The following SGK3 variants were observed in gnomAD, a reference collection of about 807,000 sequenced individuals.
SGK3 encodes serine/threonine-protein kinase Sgk3.
Under a neutral mutation model 68.5 loss-of-function variants are expected in SGK3, and 47 were observed. The observed-to-expected ratio is 0.69, with a 90% confidence interval of 0.54 to 0.87. The LOEUF (loss-of-function observed/expected upper bound fraction) is 0.87. SGK3 is among the 40% of genes least tolerant of loss of function. The pLI is 0.00. For missense variants in SGK3, 479 were observed against 575.5 expected (o/e 0.83, Z 1.72); for synonymous variants, 181 against 189.1 (o/e 0.96, Z 0.35).
At chr8:66,848,790 C>CT (rs1810142616) in intron 15 of SGK3, among the ~76,000 whole-genome samples, 1 of 152,140 alleles carries the variant, frequency 6.6e-6, no homozygotes, top group Non-Finnish European at 1.5e-5. Flanking sequence ...AGGTACTACT[C>CT]TATCTCCTTC....
chr8:66,744,501 A>G (rs1339598684), intron 1 of SGK3, among the ~76,000 whole-genome samples: 1 of 20,684 alleles, frequency 4.8e-5, no homozygotes, highest in African/African-American at 2.3e-4. Context: ...ATATATATAT[A>G]TATATATATA....
chr8:66,799,272 G>GT (rs1217889207), intron 3 of SGK3, among the ~76,000 whole-genome samples: 1 of 152,236 alleles, frequency 6.6e-6, no homozygotes, highest in Admixed American at 6.5e-5. Context: ...GTTCACATCT[G>GT]TAATTCCAGC....
chr8:66,789,762 G>T (rs1241716843), intron 1 of SGK3, among the ~76,000 whole-genome samples: 2 of 152,184 alleles, frequency 1.3e-5, no homozygotes, highest in African/African-American at 4.8e-5. Context: ...AAGATCAACA[G>T]TATATGCCTG....
intron 6 of SGK3, among the ~76,000 whole-genome samples, chr8:66,826,931 C>T (rs1809083897): frequency 6.6e-6 from 1 of 152,010 alleles, no homozygotes; most frequent in Admixed American, 6.6e-5. Context: ...AGCCGTGAGC[C>T]ACCACTCCCG....
intron 10 of SGK3, 97 bp from the exon 11 acceptor site, chr8:66,839,906 A>G: frequency 8.5e-7 from 1 of 1,174,292 alleles, no homozygotes; most frequent in African/African-American, 1.5e-5. Context: ...ACAAAGAACA[A>G]TTCCTACCTT....
chr8:66,858,931 A>G (rs1207344302), intron 16 of SGK3, among the ~76,000 whole-genome samples: 1 of 152,180 alleles, frequency 6.6e-6, no homozygotes, highest in Non-Finnish European at 1.5e-5. Context: ...GACCTAAATA[A>G]TAAAGGTCAG....
chr8:66,734,645 G>A (rs931100214), intron 1 of SGK3, among the ~76,000 whole-genome samples: 1 of 152,092 alleles, frequency 6.6e-6, no homozygotes. Context: ...GAGGTCAACT[G>A]TTGTCAAAAG....
intron 1 of SGK3, among the ~76,000 whole-genome samples, chr8:66,733,020 A>G (rs561710895): frequency 3.0e-4 from 46 of 152,356 alleles, no homozygotes; most frequent in African/African-American, 9.9e-4. Flanking sequence ...AGAGGGTATC[A>G]GTCAGAATGC....
chr8:66,809,542 T>C (rs1275988758), intron 4 of SGK3, among the ~76,000 whole-genome samples: 2 of 151,854 alleles, frequency 1.3e-5, no homozygotes, highest in African/African-American at 4.8e-5. Context: ...TTTGCTTGTT[T>C]GGGGAAAAAA....
At chr8:66,791,181 C>T (rs1585720861) in intron 1 of SGK3, among the ~76,000 whole-genome samples, 1 of 152,172 alleles carries the variant, frequency 6.6e-6, no homozygotes, top group Non-Finnish European at 1.5e-5. Context: ...AGATAAACCA[C>T]TGATGTCAGA....
At chr8:66,835,022 C>T (rs2130707156) in intron 8 of SGK3, among the ~76,000 whole-genome samples, 1 of 152,146 alleles carries the variant, frequency 6.6e-6, no homozygotes, top group East Asian at 1.9e-4. Context: ...GTTATCCCAG[C>T]ACTTGGTGAG....
chr8:66,748,182 T>C (rs1805704395), intron 1 of SGK3, among the ~76,000 whole-genome samples: 1 of 152,204 alleles, frequency 6.6e-6, no homozygotes, highest in South Asian at 2.1e-4. Flanking sequence ...GATGTTCTGC[T>C]GAGTCAAAGC....
At chr8:66,796,203 C>A (rs532082770) in intron 2 of SGK3, among the ~76,000 whole-genome samples, 1 of 151,836 alleles carries the variant, frequency 6.6e-6, no homozygotes, top group Admixed American at 6.6e-5. Flanking sequence ...GTGGTGCAGT[C>A]TTGGCTCACT....
rs1442791006 is a variant in SGK3 at position 66,860,547 on chromosome 8, A to C, written c.*966A>C. ...ATTATTTTTCCTCTGAAGGAAAAGA[A>C]AAGGCTTAATGGTTAGGATTTTTAA... On this transcript the variant is annotated 3_prime_UTR_variant, in exon 17 of 17. Transcript: ENST00000521198. The C allele has an allele frequency of 2.0e-5, 3 of 152,244 alleles. No homozygotes were observed. The highest frequency in any genetic ancestry group is 4.8e-5 in the African/African-American group (2 of 41,474). 9.4% of individuals were successfully genotyped at this position (152,244 alleles called of 1,614,324 possible).
chr8:66,801,683 C>A (rs997747330), intron 3 of SGK3, among the ~76,000 whole-genome samples: 1 of 152,136 alleles, frequency 6.6e-6, no homozygotes, highest in Non-Finnish European at 1.5e-5. Flanking sequence ...CACACACACA[C>A]ACCCCACATA....
chr8:66,857,095 A>C (rs893898009), intron 16 of SGK3, among the ~76,000 whole-genome samples: 1 of 152,176 alleles, frequency 6.6e-6, no homozygotes, highest in African/African-American at 2.4e-5. Context: ...TCTGTCTCAA[A>C]AAAAAAGGAC....
intron 1 of SGK3, chr8:66,767,952 C>T: frequency 1.1e-6 from 1 of 913,602 alleles, no homozygotes; most frequent in Non-Finnish European, 1.8e-6. Flanking sequence ...CCTTTGTAGC[C>T]ACAAGGATGC....
In SGK3 at chr8:66,726,834, C is replaced by T. The variant is rs532950093; in HGVS notation, c.-122+14001C>T. Among the ~76,000 whole-genome samples the T allele has an allele frequency of 8.3e-5, 11 of 131,938 alleles. No individual in the cohort carries two copies. The South Asian group carries it at 2.6e-3, about 31-fold the overall frequency. The allele number at this position is 131,938 out of a possible 152,430, so 86.6% of individuals were successfully genotyped here. ...AAAAAAAAAAAAAAAGATTTAAAAG[C>T]TGATTGTGTTAAATCCTGAACCTAT... is the stretch of plus-strand genomic sequence containing the variant. On this transcript the variant is annotated intron_variant, in intron 1 of 16. Transcript: ENST00000521198.
chr8:66,843,489 A>G lies in SGK3; in HGVS notation c.1016A>G (p.Asp339Gly). Reference protein sequence around the residue: ...APEVIRKQPYDNTVDWWCLGA... With the variant: ...APEVIRKQPYGNTVDWWCLGA... ...GAAGTAATTAGAAAACAGCCCTATG[A>G]CAATACTGTAGATTGGTGGTGCCTT... Residue 339 changes from aspartate (D) to glycine (G), a missense_variant, in exon 14 of 17, where the codon GAC becomes GGC. By Grantham distance (94) the Asp-to-Gly change is moderately conservative. Coordinates refer to ENST00000521198, the MANE Select transcript of SGK3 (RefSeq NM_001033578.3). 1 of 1,613,944 alleles carries G rather than the reference A, an allele frequency of 6.2e-7. No homozygotes were observed. Among genetic ancestry groups the G allele is most frequent in the South Asian group, 1.1e-5 (1 of 91,072 alleles).
Sources: gnomAD v4.1 joint callset for allele counts (sites outside exome capture counted in the v4.1 genomes callset) on GRCh38, gnomAD v4.1.1 for gene constraint, MANE v1.5 for transcripts, NCBI Gene and HGNC (gene_info 2026-07-23, HGNC 2026-07-21) for gene names.